Variants in CNOT6 observed in about 807,000 individuals in gnomAD.
CNOT6 encodes carbon catabolite repression 4 protein.
Under a neutral mutation model 61.2 loss-of-function variants are expected in CNOT6, and 12 were observed. That is an observed-to-expected ratio of 0.20 (90% CI 0.13 to 0.32). The LOEUF (loss-of-function observed/expected upper bound fraction) is 0.32. Ranked by LOEUF, CNOT6 falls within the 10% of genes least tolerant of loss-of-function variation. CNOT6 has a pLI of 1.00. For missense variants in CNOT6, 405 were observed against 663.9 expected (o/e 0.61, Z 4.28); for synonymous variants, 225 against 240.6 (o/e 0.94, Z 0.60).
chr5:180,571,660 G>A (rs1036647437), intron 11 of CNOT6, among the ~76,000 whole-genome samples: 2 of 152,122 alleles, frequency 1.3e-5, no homozygotes, highest in African/African-American at 2.4e-5. Flanking sequence ...CAACCATGCC[G>A]GCTCAAACGA....
chr5:180,559,586 A>G (rs953668145), intron 4 of CNOT6, among the ~76,000 whole-genome samples: 1 of 152,226 alleles, frequency 6.6e-6, no homozygotes, highest in Admixed American at 6.5e-5. Context: ...GACCATTTAC[A>G]TTTAAAGTTA....
At chr5:180,539,517 T>C (rs191468802) in intron 2 of CNOT6, among the ~76,000 whole-genome samples, 1 of 148,504 alleles carries the variant, frequency 6.7e-6, no homozygotes, top group African/African-American at 2.5e-5. Flanking sequence ...TTAAAATAAT[T>C]TTTTTGGGAT....
At chr5:180,522,074 C>G (rs1189595312) in intron 1 of CNOT6, among the ~76,000 whole-genome samples, 1 of 152,124 alleles carries the variant, frequency 6.6e-6, no homozygotes, top group Non-Finnish European at 1.5e-5. Flanking sequence ...ATTGCTGGGC[C>G]AAACGGGTAG....
chr5:180,557,354 A>G (rs1759949416), intron 4 of CNOT6, among the ~76,000 whole-genome samples: 1 of 84,578 alleles, frequency 1.2e-5, no homozygotes, highest in African/African-American at 3.5e-5. Flanking sequence ...ACTGCTTTAC[A>G]TTGTAAAGTG....
rs774387325 is a variant in CNOT6, at chr5:180,570,109, G to A, written c.1258+769G>A. 7.9e-5 allele frequency among the ~76,000 whole-genome samples: 12 copies of A among 152,174 alleles called. No homozygotes were observed. In the East Asian group the frequency reaches 1.2e-3, roughly 15 times the overall value. Reference sequence around the variant, plus strand: ...GCCGTGGCTCACGCCCGTAATCCCAGCACTTTGGGGGGCCCAGGTGGGCAG... The same window carrying A: ...GCCGTGGCTCACGCCCGTAATCCCAACACTTTGGGGGGCCCAGGTGGGCAG... On this transcript the variant is annotated intron_variant, in intron 10 of 11. Coordinates refer to ENST00000261951, the MANE Select transcript of CNOT6 (RefSeq NM_001370472.1).
chr5:180,551,177 T>G (rs1032204985), intron 3 of CNOT6, among the ~76,000 whole-genome samples: 4 of 149,166 alleles, frequency 2.7e-5, no homozygotes, highest in Non-Finnish European at 4.5e-5. Context: ...GAACCTGGTC[T>G]CTACAAAAAA....
At chr5:180,518,762 A>G (rs1056137578) in intron 1 of CNOT6, among the ~76,000 whole-genome samples, 1 of 152,202 alleles carries the variant, frequency 6.6e-6, no homozygotes, top group Non-Finnish European at 1.5e-5. Flanking sequence ...TGGCCTCCCA[A>G]AGTGCTGGGA....
chr5:180,540,314 A>G (rs1758967862), intron 2 of CNOT6, among the ~76,000 whole-genome samples: 2 of 152,144 alleles, frequency 1.3e-5, no homozygotes, highest in South Asian at 2.1e-4. Flanking sequence ...GTTCCATTAA[A>G]CACATTTACA....
chr5:180,522,878 C>A (rs1429688964), intron 1 of CNOT6, among the ~76,000 whole-genome samples: 1 of 152,176 alleles, frequency 6.6e-6, no homozygotes, highest in Non-Finnish European at 1.5e-5. Context: ...TTTACCATAT[C>A]CTTATAACGA....
At chr5:180,570,632 TAGC>T (rs968155968) in intron 10 of CNOT6, among the ~76,000 whole-genome samples, 4 of 152,344 alleles carry the variant, frequency 2.6e-5, no homozygotes, top group African/African-American at 9.6e-5. Context: ...AGTATTATAA[TAGC>T]AGGCAGGTCA....
chr5:180,550,194 C>G (rs541760470), intron 3 of CNOT6, 77 bp downstream of exon 3: 9 of 1,144,882 alleles, frequency 7.9e-6, no homozygotes, highest in Non-Finnish European at 1.1e-5. Flanking sequence ...GTGGCTTATG[C>G]CTGTAATTCT....
At chr5:180,542,769 T>G (rs1267403139) in intron 2 of CNOT6, among the ~76,000 whole-genome samples, 6 of 152,204 alleles carry the variant, frequency 3.9e-5, no homozygotes, top group Admixed American at 2.6e-4. Context: ...ACAGGGCTCT[T>G]AACATAGGTC....
At chr5:180,564,616 C>A in intron 5 of CNOT6, 23 bp downstream of exon 5, 2 of 1,609,174 alleles carry the variant, frequency 1.2e-6, no homozygotes, top group Non-Finnish European at 1.7e-6. Flanking sequence ...TTGTTTAAAC[C>A]TTTTTATTAG....
chr5:180,541,731 C>T (rs71613465), intron 2 of CNOT6, among the ~76,000 whole-genome samples: 6 of 151,694 alleles, frequency 4.0e-5, no homozygotes, highest in South Asian at 2.1e-4. Context: ...GGATTACAGG[C>T]GTGAGCCACC....
At chr5:180,518,453 A>G (rs1757744330) in intron 1 of CNOT6, among the ~76,000 whole-genome samples, 1 of 151,928 alleles carries the variant, frequency 6.6e-6, no homozygotes, top group Non-Finnish European at 1.5e-5. Context: ...AAATAAATTA[A>G]ATCACAAGTC....
intron 3 of CNOT6, among the ~76,000 whole-genome samples, chr5:180,552,444 A>G (rs1159437199): frequency 6.6e-6 from 1 of 151,660 alleles, no homozygotes; most frequent in Admixed American, 6.6e-5. Context: ...GATCGAGACC[A>G]TCCTGGCTAA....
intron 2 of CNOT6, 34 bp from the exon 3 acceptor site, chr5:180,549,897 A>G (rs1449842928): frequency 1.3e-5 from 20 of 1,499,466 alleles, no homozygotes; most frequent in Middle Eastern, 1.7e-4. Flanking sequence ...AGAGAAAACT[A>G]TATAATCCGT....
chr5:180,505,741 G>A (rs2127696525), intron 1 of CNOT6, among the ~76,000 whole-genome samples: 1 of 152,082 alleles, frequency 6.6e-6, no homozygotes, highest in African/African-American at 2.4e-5. Flanking sequence ...GTAGAGACGG[G>A]GTTTCACTGT....
chr5:180,544,366 G>C (rs1375455174), intron 2 of CNOT6, among the ~76,000 whole-genome samples: 1 of 152,110 alleles, frequency 6.6e-6, no homozygotes, highest in Non-Finnish European at 1.5e-5. Flanking sequence ...CCTGACAACT[G>C]TTTTCATATT....
Sources: gnomAD v4.1 joint callset for allele counts (sites outside exome capture counted in the v4.1 genomes callset) on GRCh38, gnomAD v4.1.1 for gene constraint, MANE v1.5 for transcripts, NCBI Gene and HGNC (gene_info 2026-07-23, HGNC 2026-07-21) for gene names.